Variants in AKAP8L observed in about 807,000 individuals in gnomAD.
The protein encoded by AKAP8L is A-kinase anchoring protein 8 like, also known as A-kinase anchor protein 8-like.
AKAP8L carries 34 observed loss-of-function variants against 77.5 expected under a neutral mutation model. The ratio of observed to expected loss-of-function variants is 0.44; its 90% CI spans 0.33 to 0.58. The LOEUF (loss-of-function observed/expected upper bound fraction) is 0.58, where lower values mean the gene tolerates loss of function less well. Ranked by LOEUF, AKAP8L falls within the 20% of genes least tolerant of loss-of-function variation. The pLI is 0.02. For synonymous variants in AKAP8L, 342 were observed against 340.7 expected (o/e 1.00, Z -0.04); for missense variants, 806 against 887.6 (o/e 0.91, Z 1.17).
chr19:15,399,270 C>T lies in AKAP8L; in HGVS notation c.1157+32G>A. On this transcript the variant is annotated intron_variant, in intron 9 of 13. Transcript: ENST00000397410. This position sits in a 1 kb window ranked among gnomAD's most constrained non-coding sequence, Gnocchi z 6.1. The stretch of plus-strand genomic sequence containing the variant: ...TCCTGGCGGCAGCCCCACAGCGAGG[C>T]AGAGGCAGAGGGGTGGAGGGAAGCT... The T allele has an allele frequency of 1.3e-6, 2 of 1,574,884 alleles. No individual in the cohort carries two copies. Among genetic ancestry groups the T allele is most frequent in the South Asian group, 1.1e-5 (1 of 90,292 alleles).
chr19:15,395,674 C>T (rs1967755164), intron 12 of AKAP8L, among the ~76,000 whole-genome samples: 1 of 151,378 alleles, frequency 6.6e-6, no homozygotes, highest in African/African-American at 2.4e-5. Context: ...CTAACCCCTA[C>T]TAGTTCCTAG....
intron 12 of AKAP8L, among the ~76,000 whole-genome samples, chr19:15,396,575 C>G (rs1327435158): frequency 1.3e-5 from 2 of 152,184 alleles, no homozygotes; most frequent in Admixed American, 6.5e-5. Context: ...CCAGAGTCAC[C>G]CCAGGCTTCT....
intron 4 of AKAP8L, among the ~76,000 whole-genome samples, chr19:15,402,421 G>C (rs564655464): frequency 1.3e-5 from 2 of 152,176 alleles, no homozygotes; most frequent in Non-Finnish European, 2.9e-5. Context: ...CCACCAAGAG[G>C]CACCGGCAGC....
Position 15,399,029 on chromosome 19 carries a change from T to A in AKAP8L, c.1157+273A>T. The A allele has an allele frequency of 2.1e-6, 1 of 477,534 alleles. No homozygotes were observed. The highest frequency in any genetic ancestry group is 3.8e-6 in the Non-Finnish European group (1 of 262,608). The allele number at this position is 477,534 out of a possible 1,614,324, so 29.6% of individuals were successfully genotyped here. A position where few individuals can be genotyped will look rare whatever the true frequency, so the allele number is the denominator to read the frequency against. ...TGCACCTTGGGGTTCGTGCGCCGAGTGACCTAGCGCCAGAGCTTCTGAGCA... is the reference window on the plus strand; with the variant it reads ...TGCACCTTGGGGTTCGTGCGCCGAGAGACCTAGCGCCAGAGCTTCTGAGCA... On this transcript the variant is annotated intron_variant, in intron 9 of 13. Transcript: ENST00000397410. The surrounding 1 kb of genome is among the most constrained non-coding windows in gnomAD (Gnocchi z 6.1).
At chr19:15,400,681 C>T in intron 7 of AKAP8L, 113 bp downstream of exon 7, 1 of 1,291,684 alleles carries the variant, frequency 7.7e-7, no homozygotes, top group Non-Finnish European at 1.1e-6. Flanking sequence ...CCATGCTGGT[C>T]ACCATGCACG....
Position 15,397,131 on chromosome 19 carries a change from G to A in AKAP8L, c.1536+19C>T. 2 of 1,613,176 alleles carry A rather than the reference G, an allele frequency of 1.2e-6. No individual in the cohort carries two copies. Among genetic ancestry groups the A allele is most frequent in the Non-Finnish European group, 1.7e-6 (2 of 1,179,788 alleles). ...TCAATCTACCCACAGGACAGAGGGA[G>A]AGCACTGTGGCCACTCACCCTGCGG... On this transcript the variant is annotated intron_variant, in intron 12 of 13. Coordinates refer to ENST00000397410, the MANE Select transcript of AKAP8L (RefSeq NM_014371.4). The surrounding 1 kb of genome is among the most constrained non-coding windows in gnomAD (Gnocchi z 4.7).
At chr19:15,407,466 G>A (rs1380923605) in intron 2 of AKAP8L, among the ~76,000 whole-genome samples, 1 of 152,002 alleles carries the variant, frequency 6.6e-6, no homozygotes, top group African/African-American at 2.4e-5. Flanking sequence ...TCACAATTGT[G>A]TATGTAAAAA....
chr19:15,380,823 TAA>T, intron 12 of AKAP8L: 1 of 590,088 alleles, frequency 1.7e-6, no homozygotes, highest in Non-Finnish European at 3.0e-6. Flanking sequence ...TTACTGTAGG[TAA>T]ATAAAAATAC....
At position 15,401,378 on chromosome 19, in the gene AKAP8L, G is replaced by T; in HGVS notation, c.588C>A (p.Gly196=). 6.2e-7 allele frequency: 1 copy of T among 1,613,316 alleles called. No individual in the cohort carries two copies. Among genetic ancestry groups the T allele is most frequent in the Non-Finnish European group, 8.5e-7 (1 of 1,179,836 alleles). Reference sequence around the variant, plus strand: ...TGGGGTCTTCCCACATGCGCCCATAGCCTGAGGCCATTGGCCGGCCGCTCC... The same window carrying T: ...TGGGGTCTTCCCACATGCGCCCATATCCTGAGGCCATTGGCCGGCCGCTCC... The part of the protein sequence containing the change: ...DARSGRPMAS[G]YGRMWEDPMG... The change falls in exon 5 of 14, where the codon GGC becomes GGA. Residue 196 remains glycine, a synonymous_variant. Transcript: ENST00000397410. This position sits in a 1 kb window ranked among gnomAD's most constrained non-coding sequence, Gnocchi z 6.2.
chr19:15,393,258 A>T (rs1967701288), intron 12 of AKAP8L, among the ~76,000 whole-genome samples: 1 of 152,222 alleles, frequency 6.6e-6, no homozygotes, highest in Admixed American at 6.5e-5. Context: ...ACACAGGGGT[A>T]AATCTTCGTG....
rs778133316 is a variant in AKAP8L at position 15,397,750 on chromosome 19, G to T, written c.1263C>A (p.Gly421=). The T allele has an allele frequency of 8.1e-6, 13 of 1,613,996 alleles. No homozygotes were observed. Among genetic ancestry groups the T allele is most frequent in the Non-Finnish European group, 1.0e-5 (12 of 1,179,886 alleles). The part of the protein sequence containing the change: ...KFHKEHFKYV[G]TKLPKQTADF... Reference sequence around the variant, plus strand: ...CAGCCGTCTGCTTAGGGAGCTTGGTGCCTACGTACTTAAAGTGTTCCTTGT... The same window carrying T: ...CAGCCGTCTGCTTAGGGAGCTTGGTTCCTACGTACTTAAAGTGTTCCTTGT... Residue 421 remains glycine, a synonymous_variant, in exon 10 of 14, where the codon GGC becomes GGA. Coordinates refer to ENST00000397410, the MANE Select transcript of AKAP8L (RefSeq NM_014371.4). This position sits in a 1 kb window ranked among gnomAD's most constrained non-coding sequence, Gnocchi z 4.7.
intron 12 of AKAP8L, among the ~76,000 whole-genome samples, chr19:15,390,533 C>G (rs953195374): frequency 6.6e-6 from 1 of 151,756 alleles, no homozygotes; most frequent in Non-Finnish European, 1.5e-5. Context: ...TCTTCACAAA[C>G]TCTTCCAAGA....
intron 12 of AKAP8L, among the ~76,000 whole-genome samples, chr19:15,391,062 A>G (rs567663160): frequency 1.3e-5 from 2 of 152,308 alleles, no homozygotes; most frequent in African/African-American, 2.4e-5. Flanking sequence ...AACCAGGGCA[A>G]TTAGGTAAGA....
At chr19:15,394,079 A>C (rs1023869445) in intron 12 of AKAP8L, among the ~76,000 whole-genome samples, 1 of 152,218 alleles carries the variant, frequency 6.6e-6, no homozygotes, top group African/African-American at 2.4e-5. Flanking sequence ...TCATATACTC[A>C]AGAAAAATGA....
rs950619912 is a variant in AKAP8L at position 15,397,983 on chromosome 19, C to A, written c.1158-128G>T. 5.0e-5 allele frequency: 61 copies of A among 1,209,642 alleles called. No homozygotes were observed. The highest frequency in any genetic ancestry group is 6.1e-5 in the Non-Finnish European group (53 of 871,920). The allele number at this position is 1,209,642 out of a possible 1,614,324, so 74.9% of individuals were successfully genotyped here. On this transcript the variant is annotated intron_variant, in intron 9 of 13. Coordinates refer to ENST00000397410, the MANE Select transcript of AKAP8L (RefSeq NM_014371.4). This position sits in a 1 kb window ranked among gnomAD's most constrained non-coding sequence, Gnocchi z 4.7. ...ACGGGCCTCTGAAGTACGGTCCCAG[C>A]AGAGGGACAGGCTGGGACCAGTGGG...
intron 12 of AKAP8L, 25 bp from the exon 13 acceptor site, chr19:15,380,637 G>A (rs1336089470): frequency 6.2e-7 from 1 of 1,609,422 alleles, no homozygotes; most frequent in Non-Finnish European, 8.5e-7. Context: ...GAAGGAGCTG[G>A]AGAGGCTGCT....
At position 15,401,014 on chromosome 19, in the gene AKAP8L, G is replaced by A. The variant is rs376613840; in HGVS notation, c.846C>T (p.Gly282=). The change falls in exon 6 of 14, where the codon GGC becomes GGT. Residue 282 remains glycine (G), a synonymous_variant. Coordinates refer to ENST00000397410, the MANE Select transcript of AKAP8L (RefSeq NM_014371.4). This position sits in a 1 kb window ranked among gnomAD's most constrained non-coding sequence, Gnocchi z 6.2. ...RTKKKKRKQG[G]SPDEPDSKAT... is the part of the protein sequence containing the mutation. ...CTTTGCTATCTGGCTCATCAGGACT[G>A]CCGCCCTGCTTTCTCTTCTTCTTCT... is the stretch of plus-strand genomic sequence containing the variant. 58 of 1,613,806 alleles carry A rather than the reference G, an allele frequency of 3.6e-5. 1 individual carries two copies. In the East Asian group the frequency reaches 1.0e-3, roughly 28 times the overall value.
intron 12 of AKAP8L, among the ~76,000 whole-genome samples, chr19:15,385,663 G>A (rs933404738): frequency 4.0e-5 from 6 of 151,868 alleles, no homozygotes; most frequent in Non-Finnish European, 7.4e-5. Context: ...GCAGTGGCAC[G>A]ATCACAGCTC....
intron 8 of AKAP8L, 167 bp downstream of exon 8, chr19:15,400,128 G>C: frequency 1.5e-6 from 1 of 656,058 alleles, no homozygotes; most frequent in Non-Finnish European, 2.7e-6. Context: ...GAGTGGGAAG[G>C]GGGTGGAGGC....
Sources: gnomAD v4.1 joint callset for allele counts (sites outside exome capture counted in the v4.1 genomes callset) on GRCh38, gnomAD v4.1.1 for gene constraint, Gnocchi (gnomAD v3.1) non-coding constraint, MANE v1.5 for transcripts, NCBI Gene and HGNC (gene_info 2026-07-23, HGNC 2026-07-21) for gene names.